Variants in GALNT18 observed in about 807,000 individuals in gnomAD.
GALNT18 encodes the protein polypeptide N-acetylgalactosaminyltransferase 18, also known as GalNAc-transferase 18.
In GALNT18, 44 loss-of-function variants were observed where a neutral mutation model predicts 69.5. That is an observed-to-expected ratio of 0.63 (90% CI 0.50 to 0.81). The LOEUF (loss-of-function observed/expected upper bound fraction) is 0.81. Among genes scored for constraint, GALNT18 ranks in the 40% least tolerant of loss-of-function variants. GALNT18 has a pLI of 0.00. For missense variants in GALNT18, 715 were observed against 810.0 expected, an observed-to-expected ratio of 0.88 and a Z score of 1.42; for synonymous variants, 364 against 318.2, an observed-to-expected ratio of 1.14 and a Z score of -1.53.
At chr11:11,526,313 G>C (rs1857523604) in intron 1 of GALNT18, among the ~76,000 whole-genome samples, 1 of 152,284 alleles carries the variant, frequency 6.6e-6, no homozygotes, top group African/African-American at 2.4e-5. Flanking sequence ...GACTGTTTGT[G>C]TGATGGTAGA....
chr11:11,328,087 G>A (rs1443973442), intron 8 of GALNT18, among the ~76,000 whole-genome samples: 1 of 152,186 alleles, frequency 6.6e-6, no homozygotes, highest in Non-Finnish European at 1.5e-5. Context: ...GGGGGGTTCT[G>A]TTGGCCATGG....
chr11:11,568,033 C>T (rs1245719222), intron 1 of GALNT18, among the ~76,000 whole-genome samples: 1 of 152,162 alleles, frequency 6.6e-6, no homozygotes, highest in Non-Finnish European at 1.5e-5. Context: ...TGATTTTGGC[C>T]AACAGAGTGT....
At position 11,347,491 on chromosome 11, in the gene GALNT18, C is replaced by T. The variant is rs1237775145; in HGVS notation, c.1093-6487G>A. ...TGTCCAGTCTCAGTGGAGAAGTATGCCACAATTTATTCATTACGGTTACCA... is the reference window on the plus strand; with the variant it reads ...TGTCCAGTCTCAGTGGAGAAGTATGTCACAATTTATTCATTACGGTTACCA... On this transcript the variant is annotated intron_variant, in intron 6 of 10. Transcript: ENST00000227756. This position sits in a 1 kb window ranked among gnomAD's most constrained non-coding sequence, Gnocchi z 4.0. Among the ~76,000 whole-genome samples the T allele has an allele frequency of 6.6e-6, 1 of 152,142 alleles. No individual in the cohort carries two copies. The highest frequency in any genetic ancestry group is 1.5e-5 in the Non-Finnish European group (1 of 68,030).
At chr11:11,293,325 G>T in intron 9 of GALNT18, 132 bp from the exon 10 acceptor site, 2 of 553,644 alleles carry the variant, frequency 3.6e-6, no homozygotes, top group Non-Finnish European at 5.5e-6. Flanking sequence ...TTCACATCCA[G>T]TGGCCTTCAG....
chr11:11,287,595 T>A (rs1206391811), intron 10 of GALNT18, among the ~76,000 whole-genome samples: 2 of 152,136 alleles, frequency 1.3e-5, no homozygotes, highest in African/African-American at 2.4e-5. Flanking sequence ...CAAATCTCAG[T>A]ACGAAGGCTA....
rs527586511 is a variant in GALNT18 at position 11,432,084 on chromosome 11, AG to A, written c.595+536del. Among the ~76,000 whole-genome samples, 57 of 152,324 alleles carry A rather than the reference AG, an allele frequency of 3.7e-4. No individual in the cohort carries two copies. The highest frequency in any genetic ancestry group is 6.5e-4 in the Admixed American group (10 of 15,308). On this transcript the variant is annotated intron_variant, in intron 3 of 10. Transcript: ENST00000227756. This position sits in a 1 kb window ranked among gnomAD's most constrained non-coding sequence, Gnocchi z 5.8. ...GGGTCTGGCTAGGGACAGATGGAACAGGGAACAGGGGATCCAGCAAAGAGGC... is the reference window on the plus strand; with the variant it reads ...GGGTCTGGCTAGGGACAGATGGAACAGGAACAGGGGATCCAGCAAAGAGGC...
At position 11,396,001 on chromosome 11, in the gene GALNT18, G is replaced by T. The variant is rs983152215; in HGVS notation, c.596-16737C>A. Reference sequence around the variant, plus strand: ...GGAGATGGGGAGGGGAGAGGGAGGGGGGACACAGCCAGGTGGGAGAGGTGC... The same window carrying T: ...GGAGATGGGGAGGGGAGAGGGAGGGTGGACACAGCCAGGTGGGAGAGGTGC... On this transcript the variant is annotated intron_variant, in intron 3 of 10. Coordinates refer to ENST00000227756, the MANE Select transcript of GALNT18 (RefSeq NM_198516.3). This position sits in a 1 kb window ranked among gnomAD's most constrained non-coding sequence, Gnocchi z 5.2. Among the ~76,000 whole-genome samples the T allele has an allele frequency of 1.3e-5, 2 of 152,108 alleles. No homozygotes were observed. The highest frequency in any genetic ancestry group is 2.9e-5 in the Non-Finnish European group (2 of 68,018).
At chr11:11,302,135 G>A (rs1204756589) in intron 9 of GALNT18, among the ~76,000 whole-genome samples, 1 of 152,198 alleles carries the variant, frequency 6.6e-6, no homozygotes, top group Non-Finnish European at 1.5e-5. Context: ...GGAGGAGACT[G>A]GGTAGCACCC....
At chr11:11,375,759 CT>C (rs1408182739) in intron 5 of GALNT18, among the ~76,000 whole-genome samples, 1 of 151,070 alleles carries the variant, frequency 6.6e-6, no homozygotes, top group Non-Finnish European at 1.5e-5. Context: ...ACATAGCAGA[CT>C]GTCAGCAAAT....
chr11:11,336,739 C>T (rs188323876), intron 7 of GALNT18, among the ~76,000 whole-genome samples: 3 of 152,260 alleles, frequency 2.0e-5, no homozygotes, highest in Non-Finnish European at 2.9e-5. Flanking sequence ...TCCAACTGAC[C>T]TTTACCAAGC....
chr11:11,598,929 C>G lies in GALNT18; in HGVS notation c.235+22430G>C, dbSNP rs1354884747. On this transcript the variant is annotated intron_variant, in intron 1 of 10. Coordinates refer to ENST00000227756, the MANE Select transcript of GALNT18 (RefSeq NM_198516.3). The surrounding 1 kb of genome is among the most constrained non-coding windows in gnomAD (Gnocchi z 4.8). ...CTGTTATTGGTTCAATTACATTTCA[C>G]GTGGCCAGAGAATGTACTTTGTTCA... 6.6e-6 allele frequency among the ~76,000 whole-genome samples: 1 copy of G among 151,894 alleles called. No homozygotes were observed. Among genetic ancestry groups the G allele is most frequent in the Non-Finnish European group, 1.5e-5 (1 of 67,970 alleles).
rs2133843039 is a variant in GALNT18, at chr11:11,463,723, C to T, written c.236-14787G>A. On this transcript the variant is annotated intron_variant, in intron 1 of 10. Coordinates refer to ENST00000227756, the MANE Select transcript of GALNT18 (RefSeq NM_198516.3). This position sits in a 1 kb window ranked among gnomAD's most constrained non-coding sequence, Gnocchi z 4.2. ...CAGGCCCTGGCAGGATAGGGAAAGG[C>T]TTTGAATCCACGTCAAAGAAGCCAT... Among the ~76,000 whole-genome samples the T allele has an allele frequency of 6.6e-6, 1 of 152,308 alleles. No individual in the cohort carries two copies. The highest frequency in any genetic ancestry group is 2.1e-4 in the South Asian group (1 of 4,832).
intron 6 of GALNT18, among the ~76,000 whole-genome samples, chr11:11,345,981 A>C (rs1224423835): frequency 3.3e-5 from 5 of 152,176 alleles, no homozygotes; most frequent in Non-Finnish European, 7.4e-5. Flanking sequence ...ACTGAGCAAC[A>C]CGTTCCTTGA....
At chr11:11,330,988 C>T (rs1383400363) in intron 8 of GALNT18, among the ~76,000 whole-genome samples, 1 of 152,196 alleles carries the variant, frequency 6.6e-6, no homozygotes, top group African/African-American at 2.4e-5. Context: ...TTCTCTGGAG[C>T]CACAGCAGCG....
intron 1 of GALNT18, among the ~76,000 whole-genome samples, chr11:11,516,780 C>G (rs1857286731): frequency 6.6e-6 from 1 of 152,212 alleles, no homozygotes; most frequent in Admixed American, 6.5e-5. Flanking sequence ...AGGTTCTCTA[C>G]TATTGGTTAC....
At chr11:11,310,109 ACTTCCTCATTTG>A (rs1170837787) in intron 9 of GALNT18, among the ~76,000 whole-genome samples, 7 of 152,158 alleles carry the variant, frequency 4.6e-5, no homozygotes, top group African/African-American at 1.7e-4. Flanking sequence ...TGCTGACTCC[ACTTCCTCATTTG>A]CTTCCTCAGA....
chr11:11,283,340 T>G (rs1849123298), intron 10 of GALNT18, among the ~76,000 whole-genome samples: 1 of 151,968 alleles, frequency 6.6e-6, no homozygotes, highest in Non-Finnish European at 1.5e-5. Context: ...AGAGATGGAG[T>G]TTTGCCATGT....
In GALNT18 at chr11:11,383,630, TTC is replaced by T. The variant is rs1387949425; in HGVS notation, c.596-4368_596-4367del. Among the ~76,000 whole-genome samples the T allele has an allele frequency of 3.9e-5, 6 of 152,208 alleles. No homozygotes were observed. Among genetic ancestry groups the T allele is most frequent in the Admixed American group, 3.9e-4 (6 of 15,286 alleles). Reference sequence around the variant, plus strand: ...AAGTGAGAGTTCACCCATTCATTCATTCATTCATTCAACAAATATTGAACACT... The same window carrying T: ...AAGTGAGAGTTCACCCATTCATTCATATTCATTCAACAAATATTGAACACT... On this transcript the variant is annotated intron_variant, in intron 3 of 10. Coordinates refer to ENST00000227756, the MANE Select transcript of GALNT18 (RefSeq NM_198516.3). The surrounding 1 kb of genome is among the most constrained non-coding windows in gnomAD (Gnocchi z 5.2).
intron 10 of GALNT18, among the ~76,000 whole-genome samples, chr11:11,272,962 T>TTTCTCAGG (rs1396033393): frequency 1.1e-4 from 17 of 152,300 alleles, no homozygotes; most frequent in Admixed American, 5.2e-4. Flanking sequence ...GACAGTCTTT[T>TTTCTCAGG]CAATAAATTG....
Sources: gnomAD v4.1 joint callset for allele counts (sites outside exome capture counted in the v4.1 genomes callset) on GRCh38, gnomAD v4.1.1 for gene constraint, Gnocchi (gnomAD v3.1) non-coding constraint, MANE v1.5 for transcripts, NCBI Gene and HGNC (gene_info 2026-07-23, HGNC 2026-07-21) for gene names.